SFTPD: variants seen among roughly 807,000 people sequenced by gnomAD.
The protein encoded by SFTPD is pulmonary surfactant-associated protein D.
Under a neutral mutation model 34.6 loss-of-function variants are expected in SFTPD, and 18 were observed. The observed-to-expected ratio is 0.52, with a 90% CI of 0.36 to 0.77. SFTPD has a LOEUF of 0.77. Ranked by LOEUF, SFTPD falls within the 30% of genes least tolerant of loss-of-function variation. The pLI is 0.00. For synonymous variants in SFTPD, 155 were observed against 180.9 expected, an observed-to-expected ratio of 0.86 and a Z score of 1.15; for missense variants, 433 against 468.9, an observed-to-expected ratio of 0.92 and a Z score of 0.71.
rs372134174 is a variant in SFTPD, at chr10:79,941,465, G to A, written c.600C>T (p.Pro200=). The part of the protein sequence containing the change: ...GPQGSPGARG[P]PGLKGDKGIP... ...TGCCTTTGTCCCCCTTCAATCCCGG[G>A]GGTCCCCTGGCACCTGGACTTCCCT... Residue 200 remains proline, a synonymous_variant, in exon 6 of 8, where the codon CCC becomes CCT. Transcript: ENST00000372292. 1.4e-5 allele frequency: 22 copies of A among 1,613,014 alleles called. No homozygotes were observed. The East Asian group carries it at 2.2e-4, about 16-fold the overall frequency.
chr10:79,965,180 A>AC (rs1269896020), intron 1 of SFTPD, among the ~76,000 whole-genome samples: 1 of 151,954 alleles, frequency 6.6e-6, no homozygotes, highest in African/African-American at 2.4e-5. Flanking sequence ...ACCAAGCTGA[A>AC]CCCCCTTGGG....
chr10:79,944,560 G>A (rs1400933209), intron 2 of SFTPD, among the ~76,000 whole-genome samples: 1 of 152,152 alleles, frequency 6.6e-6, no homozygotes, highest in East Asian at 1.9e-4. Context: ...TGTGGTTGGA[G>A]CTGAGTAGGG....
At chr10:79,943,006 C>G in intron 2 of SFTPD, 127 bp from the exon 3 acceptor site, 1 of 654,146 alleles carries the variant, frequency 1.5e-6, no homozygotes. Flanking sequence ...GTCACACACC[C>G]AGGCCCAGTG....
intron 2 of SFTPD, among the ~76,000 whole-genome samples, chr10:79,945,459 A>G (rs1842655572): frequency 6.6e-6 from 1 of 152,164 alleles, no homozygotes; most frequent in Admixed American, 6.5e-5. Flanking sequence ...TAAAGACTGT[A>G]TCTGATCCCT....
chr10:79,964,876 C>T (rs552849050), intron 1 of SFTPD, among the ~76,000 whole-genome samples: 2 of 152,234 alleles, frequency 1.3e-5, no homozygotes, highest in East Asian at 3.9e-4. Flanking sequence ...GAGGCCTTTC[C>T]CACAGGGTCT....
chr10:79,942,965 T>G, intron 2 of SFTPD, 86 bp from the exon 3 acceptor site: 1 of 850,610 alleles, frequency 1.2e-6, no homozygotes, highest in South Asian at 1.4e-5. Flanking sequence ...TAGCATTCCT[T>G]TAGGATTCTG....
chr10:79,961,808 G>T (rs1842774680), intron 1 of SFTPD, among the ~76,000 whole-genome samples: 1 of 152,028 alleles, frequency 6.6e-6, no homozygotes, highest in South Asian at 2.1e-4. Flanking sequence ...ATACCCAAAG[G>T]ATTATAAATC....
chr10:79,960,659 T>C, intron 1 of SFTPD, among the ~76,000 whole-genome samples: 1 of 151,606 alleles, frequency 6.6e-6, no homozygotes, highest in Non-Finnish European at 1.5e-5. Flanking sequence ...TACAAACAAA[T>C]GGAAGAACAT....
intron 1 of SFTPD, among the ~76,000 whole-genome samples, chr10:79,964,411 C>T (rs1489105574): frequency 1.3e-5 from 2 of 152,202 alleles, no homozygotes; most frequent in African/African-American, 4.8e-5. Context: ...AAAAAAGCAG[C>T]TAGCATTCCA....
At chr10:79,978,395 T>C (rs1267466175) in intron 1 of SFTPD, among the ~76,000 whole-genome samples, 1 of 152,230 alleles carries the variant, frequency 6.6e-6, no homozygotes, top group Non-Finnish European at 1.5e-5. Flanking sequence ...CTCATGCCTG[T>C]AATCCTAGCA....
intron 1 of SFTPD, chr10:79,968,557 G>T (rs57966752): frequency 5.3e-5 from 8 of 152,074 alleles, no homozygotes; most frequent in Non-Finnish European, 1.0e-4. Flanking sequence ...TCATTATCCG[G>T]TCCACTGTTG....
At chr10:79,961,933 G>A (rs1286686491) in intron 1 of SFTPD, among the ~76,000 whole-genome samples, 31 of 146,326 alleles carry the variant, frequency 2.1e-4, no homozygotes, top group Non-Finnish European at 3.3e-4. Flanking sequence ...AGAAAATGTG[G>A]CACATATACA....
upstream of SFTPD, among the ~76,000 whole-genome samples, chr10:79,952,889 G>A (rs1026311396): frequency 6.6e-6 from 1 of 152,240 alleles, no homozygotes; most frequent in African/African-American, 2.4e-5. Flanking sequence ...GGGCTCACAG[G>A]TGCAGAGGGT....
At chr10:79,945,191 G>GCTC (rs1271780034) in intron 2 of SFTPD, among the ~76,000 whole-genome samples, 3 of 152,196 alleles carry the variant, frequency 2.0e-5, no homozygotes, top group African/African-American at 7.2e-5. Context: ...CAGGCAGCAA[G>GCTC]CTCCCAGGGC....
chr10:79,937,830 T>A lies in SFTPD; in HGVS notation c.*22A>T, dbSNP rs1398912435. ...CTGGCCAAACTCCTGGGCCAAGCACTGCCCCACCCACCCCAGTTGGCTCAG... is the reference window on the plus strand; with the variant it reads ...CTGGCCAAACTCCTGGGCCAAGCACAGCCCCACCCACCCCAGTTGGCTCAG... On this transcript the variant is annotated 3_prime_UTR_variant, in exon 8 of 8. Coordinates refer to ENST00000372292, the MANE Select transcript of SFTPD (RefSeq NM_003019.5). 6.6e-7 allele frequency: 1 copy of A among 1,521,082 alleles called. No individual in the cohort carries two copies. The highest frequency in any genetic ancestry group is 1.4e-5 in the African/African-American group (1 of 72,022). 94.2% of individuals were successfully genotyped at this position (1,521,082 alleles called of 1,614,324 possible). A position where few individuals can be genotyped will look rare whatever the true frequency, so the allele number is the denominator to read the frequency against.
intron 1 of SFTPD, chr10:79,982,281 CG>C: frequency 1.0e-6 from 1 of 994,978 alleles, no homozygotes. Context: ...CGGGCCACCG[CG>C]GGGCGGTTCC....
chr10:79,941,924 C>T, intron 5 of SFTPD, 30 bp downstream of exon 5: 1 of 1,453,368 alleles, frequency 6.9e-7, no homozygotes, highest in South Asian at 1.1e-5. Flanking sequence ...GAACTGGACC[C>T]AGCCCAGCCC....
intron 2 of SFTPD, among the ~76,000 whole-genome samples, chr10:79,944,038 A>G (rs993112256): frequency 2.0e-5 from 3 of 152,356 alleles, no homozygotes; most frequent in African/African-American, 7.2e-5. Context: ...TGCTGCACCC[A>G]TGCCTTTCAA....
At chr10:79,964,003 G>A (rs577707798) in intron 1 of SFTPD, among the ~76,000 whole-genome samples, 1 of 152,050 alleles carries the variant, frequency 6.6e-6, no homozygotes, top group East Asian at 1.9e-4. Flanking sequence ...ATTGATGGCA[G>A]TTCCACCAGG....
Sources: allele counts gnomAD v4.1 joint callset (sites outside exome capture counted in the v4.1 genomes callset), GRCh38; gene constraint gnomAD v4.1.1; transcripts MANE v1.5; gene names NCBI Gene and HGNC (gene_info 2026-07-23, HGNC 2026-07-21).